Variants in FMNL2 observed in about 807,000 individuals in gnomAD.
FMNL2 encodes formin like 2.
FMNL2 carries 51 observed loss-of-function variants against 130.2 expected under a neutral mutation model. That is an observed-to-expected ratio of 0.39 (90% CI 0.31 to 0.49). The LOEUF (loss-of-function observed/expected upper bound fraction) is 0.49. Ranked by LOEUF, FMNL2 falls within the 20% of genes least tolerant of loss-of-function variation. FMNL2 has a pLI of 0.85. For missense variants in FMNL2, 977 were observed against 1,316.2 expected, an observed-to-expected ratio of 0.74 and a Z score of 3.99; for synonymous variants, 465 against 467.1, an observed-to-expected ratio of 1.00 and a Z score of 0.06.
At chr2:152,548,998 G>C (rs2105529158) in intron 3 of FMNL2, 23 bp from the exon 4 acceptor site, 1 of 1,577,684 alleles carries the variant, frequency 6.3e-7, no homozygotes, top group Admixed American at 1.8e-5. Flanking sequence ...TATTTTGTGA[G>C]AATATGTGTT....
intron 1 of FMNL2, among the ~76,000 whole-genome samples, chr2:152,453,170 C>T (rs1387799540): frequency 6.7e-6 from 1 of 150,306 alleles, no homozygotes; most frequent in Non-Finnish European, 1.5e-5. Context: ...CCAGTACACT[C>T]CAGCCAGGGT....
chr2:152,619,650 C>A lies in FMNL2; in HGVS notation c.1769C>A (p.Pro590His), dbSNP rs1699146141. 2 of 1,612,126 alleles carry A rather than the reference C, an allele frequency of 1.2e-6. No individual in the cohort carries two copies. Among genetic ancestry groups the A allele is most frequent in the African/African-American group, 1.3e-5 (1 of 74,534 alleles). The part of the protein sequence containing the change: ...ETVPAPPLAP[P>H]LPSAPPLPGT... ...GTACCAGCTCCTCCCTTAGCACCTC[C>A]CCTTCCCTCTGCACCTCCGCTGCCT... The change falls in exon 15 of 26, where the codon CCC becomes CAC. Residue 590 changes from proline to histidine, a missense_variant. By Grantham distance (77) the Pro-to-His change is moderately conservative. This residue lies in a region of FMNL2 where 689 missense variants were observed against 995.9 expected (regional missense o/e 0.69). Coordinates refer to ENST00000288670, the MANE Select transcript of FMNL2 (RefSeq NM_052905.4).
intron 25 of FMNL2, among the ~76,000 whole-genome samples, chr2:152,641,836 C>T (rs1215571785): frequency 6.6e-6 from 1 of 152,154 alleles, no homozygotes; most frequent in Non-Finnish European, 1.5e-5. Flanking sequence ...ATACTTTACA[C>T]CATTATCACA....
chr2:152,484,813 A>G (rs1690726626), intron 1 of FMNL2, among the ~76,000 whole-genome samples: 1 of 152,168 alleles, frequency 6.6e-6, no homozygotes, highest in African/African-American at 2.4e-5. Context: ...TTTGGGCTGT[A>G]AACAGTGATA....
At chr2:152,584,456 G>A (rs2105740902) in intron 9 of FMNL2, among the ~76,000 whole-genome samples, 1 of 152,292 alleles carries the variant, frequency 6.6e-6, no homozygotes, top group East Asian at 1.9e-4. Flanking sequence ...TTATTGGCAG[G>A]AATGAGGGGT....
chr2:152,409,038 C>T (rs914428194), intron 1 of FMNL2, among the ~76,000 whole-genome samples: 1 of 152,146 alleles, frequency 6.6e-6, no homozygotes, highest in Non-Finnish European at 1.5e-5. Flanking sequence ...GAAGGGTTTG[C>T]AATTGGCTTC....
intron 1 of FMNL2, among the ~76,000 whole-genome samples, chr2:152,485,491 G>A (rs930963491): frequency 2.0e-5 from 3 of 152,042 alleles, no homozygotes; most frequent in East Asian, 1.9e-4. Flanking sequence ...AGGTTGAGCC[G>A]TGATTGTGCC....
intron 1 of FMNL2, among the ~76,000 whole-genome samples, chr2:152,347,917 C>T (rs918137056): frequency 1.4e-5 from 2 of 146,458 alleles, no homozygotes; most frequent in African/African-American, 4.9e-5. Flanking sequence ...TTACAAGTCC[C>T]TAACTTGGAA....
intron 2 of FMNL2, among the ~76,000 whole-genome samples, chr2:152,525,842 C>CT (rs1352273287): frequency 6.6e-6 from 1 of 152,166 alleles, no homozygotes; most frequent in East Asian, 1.9e-4. Context: ...CCTCATTACT[C>CT]TCATTGTGAG....
chr2:152,480,571 G>A (rs1306793575), intron 1 of FMNL2, among the ~76,000 whole-genome samples: 1 of 144,992 alleles, frequency 6.9e-6, no homozygotes, highest in South Asian at 2.3e-4. Flanking sequence ...GGAGGCGGAG[G>A]TTGCAGGGAG....
At chr2:152,637,776 A>G in intron 23 of FMNL2, 102 bp downstream of exon 23, 2 of 1,005,310 alleles carry the variant, frequency 2.0e-6, no homozygotes, top group East Asian at 2.5e-5. Context: ...GTTCCTGTGG[A>G]CAGCAGATCT....
chr2:152,572,024 A>G (rs1696196969), intron 6 of FMNL2, among the ~76,000 whole-genome samples: 1 of 152,102 alleles, frequency 6.6e-6, no homozygotes. Flanking sequence ...ATTGTTATCT[A>G]GGTGGACATT....
chr2:152,409,724 T>C (rs1208383655), intron 1 of FMNL2, among the ~76,000 whole-genome samples: 1 of 152,192 alleles, frequency 6.6e-6, no homozygotes, highest in Non-Finnish European at 1.5e-5. Context: ...ATTGATACTT[T>C]ATGGAGAACT....
chr2:152,590,578 C>T (rs1336515602), intron 9 of FMNL2, among the ~76,000 whole-genome samples: 2 of 151,770 alleles, frequency 1.3e-5, no homozygotes, highest in African/African-American at 4.8e-5. Flanking sequence ...CGCACCACTG[C>T]ATTCCAGCCT....
chr2:152,593,769 C>T (rs563131570), intron 9 of FMNL2, among the ~76,000 whole-genome samples: 2 of 149,238 alleles, frequency 1.3e-5, no homozygotes, highest in South Asian at 2.1e-4. Context: ...GTGTAATGCC[C>T]GAGGTCAGAT....
intron 1 of FMNL2, among the ~76,000 whole-genome samples, chr2:152,358,560 A>G (rs1401968843): frequency 6.6e-6 from 1 of 152,090 alleles, no homozygotes; most frequent in African/African-American, 2.4e-5. Flanking sequence ...CTGAGGCAGA[A>G]GAATTGCTTG....
chr2:152,590,731 A>G (rs1024254077), intron 9 of FMNL2, among the ~76,000 whole-genome samples: 1 of 152,030 alleles, frequency 6.6e-6, no homozygotes, highest in Admixed American at 6.6e-5. Context: ...TATGTGTATC[A>G]GTGTGTATGC....
chr2:152,614,073 T>C (rs1358778051), intron 11 of FMNL2, among the ~76,000 whole-genome samples: 1 of 152,192 alleles, frequency 6.6e-6, no homozygotes, highest in Non-Finnish European at 1.5e-5. Context: ...GTATAAACTC[T>C]GTCAGTGTCT....
chr2:152,465,995 ATGT>A (rs1360491402), intron 1 of FMNL2, among the ~76,000 whole-genome samples: 9 of 152,328 alleles, frequency 5.9e-5, no homozygotes, highest in Admixed American at 1.3e-4. Flanking sequence ...AAGCAACTTA[ATGT>A]TGTGGGAAGA....
Sources: gnomAD v4.1 joint callset for allele counts (sites outside exome capture counted in the v4.1 genomes callset) on GRCh38, gnomAD v4.1.1 for gene constraint, gnomAD v4.1.1 regional missense constraint, MANE v1.5 for transcripts, NCBI Gene and HGNC (gene_info 2026-07-23, HGNC 2026-07-21) for gene names.